The following NTRK1 variants were observed in gnomAD, a reference collection of about 807,000 sequenced individuals.
NTRK1 encodes high affinity nerve growth factor receptor.
Under a neutral mutation model 86.8 loss-of-function variants are expected in NTRK1, and 62 were observed. The ratio of observed to expected loss-of-function variants is 0.71; its 90% CI spans 0.58 to 0.88. The LOEUF (loss-of-function observed/expected upper bound fraction) is 0.88. NTRK1 is among the 40% of genes least tolerant of loss of function. NTRK1 has a pLI of 0.00. For synonymous variants in NTRK1, 469 were observed against 456.6 expected, an observed-to-expected ratio of 1.03 and a Z score of -0.35; for missense variants, 967 against 1,078.4, an observed-to-expected ratio of 0.90 and a Z score of 1.45.
chr1:156,863,924 G>A (rs1490325506), intron 1 of NTRK1, among the ~76,000 whole-genome samples: 2 of 152,198 alleles, frequency 1.3e-5, no homozygotes, highest in Admixed American at 6.5e-5. Flanking sequence ...GTGTGTGCAC[G>A]TGAGAGATGG....
Position 156,865,298 on chromosome 1 carries a change from G to A in NTRK1, c.359+499G>A, listed in dbSNP as rs1244934854. On this transcript the variant is annotated intron_variant, in intron 3 of 16. Coordinates refer to ENST00000524377, the MANE Select transcript of NTRK1 (RefSeq NM_002529.4). ...TTTTGGCACCAGAGACTGGTTTCAT[G>A]GAAGACAATTTTACCACGGATGGTG... 2.6e-5 allele frequency among the ~76,000 whole-genome samples: 4 copies of A among 152,158 alleles called. No homozygotes were observed. The East Asian group carries it at 5.8e-4, about 22-fold the overall frequency.
intron 2 of NTRK1, chr1:156,844,541 G>C: frequency 6.2e-7 from 1 of 1,614,198 alleles, no homozygotes; most frequent in Non-Finnish European, 8.5e-7. Context: ...CCCTGGCAGA[G>C]TAGTTTCCAG....
Position 156,879,359 on chromosome 1 carries a change from C to A in NTRK1, c.2043C>A (p.Tyr681Ter). 6.2e-7 allele frequency: 1 copy of A among 1,602,312 alleles called. No individual in the cohort carries two copies. Among genetic ancestry groups the A allele is most frequent in the Non-Finnish European group, 8.5e-7 (1 of 1,177,952 alleles). Residue 681 changes from tyrosine (Y) to a stop codon, truncating the protein, a stop_gained, in exon 15 of 17, where the codon TAC (tyrosine) becomes TAA (stop). Transcript: ENST00000524377. LOFTEE classifies it high-confidence loss of function. ...GGGATATCTACAGCACCGACTATTACCGTGTAAGGGTCCTTTGTCCCCAAC... is the reference window on the plus strand; with the variant it reads ...GGGATATCTACAGCACCGACTATTAACGTGTAAGGGTCCTTTGTCCCCAAC... ...MSRDIYSTDYYRVGGRTMLPI... is the reference protein window; with the variant it reads ...MSRDIYSTDY
chr1:156,881,181 C>A (rs145753323), intron 16 of NTRK1, among the ~76,000 whole-genome samples: 4 of 152,332 alleles, frequency 2.6e-5, no homozygotes, highest in Non-Finnish European at 5.9e-5. Flanking sequence ...CTCAACCCAC[C>A]TGGCAAGTCT....
In NTRK1 at chr1:156,881,550, G is replaced by A. The variant is rs886045373; in HGVS notation, c.2299G>A (p.Glu767Lys). ...YAIMRGCWQR[E>K]PQQRHSIKDV... is the part of the protein sequence containing the mutation. ...CATCATGCGGGGCTGCTGGCAGCGG[G>A]AGCCCCAGCAACGCCACAGCATCAA... The change falls in exon 17 of 17, where the codon GAG becomes AAG. Residue 767 changes from glutamate to lysine, a missense_variant. By Grantham distance (56) the Glu-to-Lys change is moderately conservative. Around this residue, in one of 2 missense-constraint regions of NTRK1, gnomAD observed 637 missense variants for 776.5 expected, o/e 0.82. Coordinates refer to ENST00000524377, the MANE Select transcript of NTRK1 (RefSeq NM_002529.4). 3 of 1,609,306 alleles carry A rather than the reference G, an allele frequency of 1.9e-6. No individual in the cohort carries two copies. The highest frequency in any genetic ancestry group is 2.2e-5 in the East Asian group (1 of 44,672).
Position 156,881,675 on chromosome 1 carries a change from G to A in NTRK1, c.*33G>A, listed in dbSNP as rs747079267. The A allele has an allele frequency of 3.3e-5, 52 of 1,571,750 alleles. No individual in the cohort carries two copies. In the Middle Eastern group the frequency reaches 6.5e-4, roughly 20 times the overall value. On this transcript the variant is annotated 3_prime_UTR_variant, in exon 17 of 17. Transcript: ENST00000524377. ...GCCCAGGGGCTGGGAGTGGTTAGCC[G>A]GAATACTGGGGCCTGCCCTCAGCAT... is the stretch of plus-strand genomic sequence containing the variant.
chr1:156,875,750 C>T (rs1647867285), intron 12 of NTRK1, 84 bp downstream of exon 12: 2 of 1,524,674 alleles, frequency 1.3e-6, no homozygotes, highest in South Asian at 1.2e-5. Flanking sequence ...AGCCCCTAGG[C>T]CTGAACGATC....
chr1:156,850,623 C>T (rs1026647798), intron 2 of NTRK1, among the ~76,000 whole-genome samples: 3 of 123,908 alleles, frequency 2.4e-5, no homozygotes, highest in African/African-American at 6.0e-5. Context: ...GGCACGATTT[C>T]GGCTCACTGT....
At chr1:156,844,280 T>C (rs756289726) in intron 2 of NTRK1, 3 of 1,611,830 alleles carry the variant, frequency 1.9e-6, no homozygotes, top group Non-Finnish European at 2.5e-6. Context: ...ATCCTCCTCC[T>C]CTGGCAGTCA....
chr1:156,853,821 G>T (rs1347439958), intron 2 of NTRK1: 6 of 1,613,442 alleles, frequency 3.7e-6, no homozygotes, highest in Non-Finnish European at 5.1e-6. Flanking sequence ...TTGGCACAGG[G>T]CTCACCAGCA....
At chr1:156,869,217 G>T (rs1571691306) in intron 6 of NTRK1, among the ~76,000 whole-genome samples, 3 of 152,014 alleles carry the variant, frequency 2.0e-5, no homozygotes, top group Admixed American at 6.6e-5. Flanking sequence ...GTAGCTGGGA[G>T]TACAGGCACG....
intron 1 of NTRK1, among the ~76,000 whole-genome samples, chr1:156,835,948 C>T (rs1290715058): frequency 2.0e-5 from 3 of 152,158 alleles, no homozygotes; most frequent in South Asian, 2.1e-4. Context: ...TCTCCCTCTC[C>T]GTTTCTTGTC....
intron 1 of NTRK1, among the ~76,000 whole-genome samples, chr1:156,820,550 C>G (rs116588443): frequency 7.3e-4 from 111 of 152,252 alleles, no homozygotes; most frequent in African/African-American, 2.0e-3. Context: ...TCCAGCCCCC[C>G]CAATGTATGT....
At chr1:156,866,519 T>G (rs954407642) in intron 3 of NTRK1, among the ~76,000 whole-genome samples, 9 of 152,166 alleles carry the variant, frequency 5.9e-5, no homozygotes, top group African/African-American at 2.2e-4. Flanking sequence ...CCTCCCCCTC[T>G]TCCTCTGGCC....
At chr1:156,851,165 T>A (rs1374964207) in intron 2 of NTRK1, 1 of 986,740 alleles carries the variant, frequency 1.0e-6, no homozygotes, top group Admixed American at 1.7e-5. Flanking sequence ...GAAGTTAACC[T>A]ACTTAGAGTC....
chr1:156,851,527 C>T, intron 2 of NTRK1: 1 of 1,603,118 alleles, frequency 6.2e-7, no homozygotes, highest in Non-Finnish European at 8.5e-7. Context: ...GAAGGTGGGC[C>T]CTCAGGACTG....
intron 2 of NTRK1, chr1:156,843,559 T>C: frequency 2.1e-6 from 3 of 1,427,808 alleles, no homozygotes; most frequent in Non-Finnish European, 3.0e-6. Flanking sequence ...AAGAAGGACA[T>C]TTCAAGGAGG....
chr1:156,876,474 C>T lies in NTRK1; in HGVS notation c.1707C>T (p.His569=), dbSNP rs1558106569. ...REAELLTMLQ[H]QHIVRFFGVC... ...CTGAGCTGCTCACCATGCTGCAGCA[C>T]CAGCACATCGTGCGCTTCTTCGGCG... Residue 569 remains histidine, a synonymous_variant, in exon 14 of 17, where the codon CAC becomes CAT. Transcript: ENST00000524377. 6.2e-7 allele frequency: 1 copy of T among 1,613,838 alleles called. No individual in the cohort carries two copies. Among genetic ancestry groups the T allele is most frequent in the South Asian group, 1.1e-5 (1 of 91,078 alleles).
chr1:156,876,235 T>G (rs1647896412), intron 13 of NTRK1, 25 bp downstream of exon 13: 5 of 1,613,390 alleles, frequency 3.1e-6, no homozygotes, highest in Non-Finnish European at 4.2e-6. Flanking sequence ...CGGGGGGTAC[T>G]GCTGGCCTGG....
Sources: gnomAD v4.1 joint callset for allele counts (sites outside exome capture counted in the v4.1 genomes callset) on GRCh38, gnomAD v4.1.1 for gene constraint, gnomAD v4.1.1 regional missense constraint, MANE v1.5 for transcripts, NCBI Gene and HGNC (gene_info 2026-07-23, HGNC 2026-07-21) for gene names.